HSPBAP1: variants seen among roughly 807,000 people sequenced by gnomAD.
HSPBAP1 encodes the protein HSPB1 associated protein 1, also known as HSPB1-associated protein 1.
HSPBAP1 carries 27 observed loss-of-function variants against 45.2 expected under a neutral mutation model. That is an observed-to-expected ratio of 0.60 (90% CI 0.44 to 0.82). The LOEUF is 0.82. HSPBAP1 is among the 40% of genes least tolerant of loss of function. The pLI, the probability that HSPBAP1 is intolerant of heterozygous loss-of-function variation, is 0.00. For missense variants in HSPBAP1, 510 were observed against 590.9 expected, an observed-to-expected ratio of 0.86 and a Z score of 1.42; for synonymous variants, 204 against 202.7, an observed-to-expected ratio of 1.01 and a Z score of -0.06.
chr3:122,752,752 C>A, intron 5 of HSPBAP1, 78 bp from the exon 6 acceptor site: 1 of 1,424,004 alleles, frequency 7.0e-7, no homozygotes, highest in Non-Finnish European at 9.4e-7. Flanking sequence ...CTAATTGAGG[C>A]TGCTAGGAAA....
At chr3:122,765,773 G>T (rs1934757424) in intron 3 of HSPBAP1, among the ~76,000 whole-genome samples, 1 of 152,022 alleles carries the variant, frequency 6.6e-6, no homozygotes, top group Non-Finnish European at 1.5e-5. Flanking sequence ...TTTTCCAAAT[G>T]GTCCATGAAT....
intron 5 of HSPBAP1, 123 bp from the exon 6 acceptor site, chr3:122,752,797 T>C: frequency 7.2e-7 from 1 of 1,384,634 alleles, no homozygotes. Context: ...ATAATATTGC[T>C]GGAGAAAAGT....
intron 2 of HSPBAP1, among the ~76,000 whole-genome samples, chr3:122,773,890 C>T (rs1301633392): frequency 2.0e-5 from 3 of 152,172 alleles, no homozygotes; most frequent in Non-Finnish European, 4.4e-5. Flanking sequence ...CCTCCTGCTC[C>T]AGCCTCCCAA....
chr3:122,752,690 A>T lies in HSPBAP1; in HGVS notation c.742-16T>A, dbSNP rs753075667. The T allele has an allele frequency of 2.3e-5, 36 of 1,578,776 alleles. No individual in the cohort carries two copies. The highest frequency in any genetic ancestry group is 2.4e-5 in the Non-Finnish European group (28 of 1,158,194). On this transcript the variant is annotated splice_polypyrimidine_tract_variant and intron_variant, in intron 5 of 7. Coordinates refer to ENST00000306103, the MANE Select transcript of HSPBAP1 (RefSeq NM_024610.6). Reference sequence around the variant, plus strand: ...CAAAGAGAACCTGAAAACCAAACAAAGAATGGTTAGCACAAGAACAGGACG... The same window carrying T: ...CAAAGAGAACCTGAAAACCAAACAATGAATGGTTAGCACAAGAACAGGACG...
At chr3:122,749,769 C>T (rs980651806) in intron 6 of HSPBAP1, among the ~76,000 whole-genome samples, 3 of 151,902 alleles carry the variant, frequency 2.0e-5, no homozygotes, top group African/African-American at 4.8e-5. Context: ...CCACCATGCC[C>T]GGCTAATTTT....
intron 4 of HSPBAP1, among the ~76,000 whole-genome samples, chr3:122,757,316 T>C (rs899610448): frequency 6.6e-6 from 1 of 152,172 alleles, no homozygotes; most frequent in Non-Finnish European, 1.5e-5. Context: ...CTGTCTCCAA[T>C]GCACAACATA....
chr3:122,747,807 G>A (rs1933961345), intron 6 of HSPBAP1, among the ~76,000 whole-genome samples: 2 of 150,762 alleles, frequency 1.3e-5, no homozygotes, highest in Admixed American at 6.6e-5. Flanking sequence ...GGAGGTGAGG[G>A]GCGCCTCTGC....
chr3:122,766,748 TGAAG>T (rs1458530256), intron 3 of HSPBAP1, among the ~76,000 whole-genome samples: 2 of 152,272 alleles, frequency 1.3e-5, no homozygotes, highest in Non-Finnish European at 1.5e-5. Flanking sequence ...GTTAAAGCTC[TGAAG>T]GCAGACTATT....
chr3:122,755,499 C>G (rs1934320269), intron 4 of HSPBAP1, 68 bp from the exon 5 acceptor site: 2 of 1,166,176 alleles, frequency 1.7e-6, no homozygotes, highest in Non-Finnish European at 2.3e-6. Flanking sequence ...TGGAAGAAGA[C>G]AAAAGCTAAG....
At chr3:122,775,179 T>C (rs1935147645) in intron 2 of HSPBAP1, among the ~76,000 whole-genome samples, 1 of 151,478 alleles carries the variant, frequency 6.6e-6, no homozygotes, top group South Asian at 2.1e-4. Flanking sequence ...CAAAAAGGCC[T>C]ACATGGGCAT....
chr3:122,769,243 T>C (rs1367083841), intron 2 of HSPBAP1, among the ~76,000 whole-genome samples: 1 of 152,248 alleles, frequency 6.6e-6, no homozygotes, highest in Non-Finnish European at 1.5e-5. Flanking sequence ...AGTTTTAACC[T>C]TAAGATTAAA....
chr3:122,757,935 C>T (rs10511414), intron 4 of HSPBAP1, among the ~76,000 whole-genome samples: 14,589 of 152,258 alleles, frequency 0.096, 945 homozygotes, highest in African/African-American at 0.17. Flanking sequence ...CCACACTCAT[C>T]TGATTGACTC....
chr3:122,740,579 T>A lies in HSPBAP1; in HGVS notation c.1233A>T (p.Gly411=), dbSNP rs2107661934. The A allele has an allele frequency of 6.2e-7, 1 of 1,614,210 alleles. No homozygotes were observed. The highest frequency in any genetic ancestry group is 1.3e-5 in the African/African-American group (1 of 75,036). ...EPPSERGGIF[G]SDGKDFVDKD... Reference sequence around the variant, plus strand: ...TGTCCACAAAGTCTTTCCCATCACTTCCAAATATGCCTCCTCTTTCTGAAG... The same window carrying A: ...TGTCCACAAAGTCTTTCCCATCACTACCAAATATGCCTCCTCTTTCTGAAG... Residue 411 remains glycine (G), a synonymous_variant, in exon 8 of 8, where the codon GGA becomes GGT. Coordinates refer to ENST00000306103, the MANE Select transcript of HSPBAP1 (RefSeq NM_024610.6).
chr3:122,778,772 C>T (rs1935286842), intron 1 of HSPBAP1, among the ~76,000 whole-genome samples: 2 of 152,106 alleles, frequency 1.3e-5, no homozygotes, highest in African/African-American at 4.8e-5. Flanking sequence ...CCTCGTGATC[C>T]ACCTGCCTTG....
chr3:122,781,586 G>A (rs567787803), intron 1 of HSPBAP1, among the ~76,000 whole-genome samples: 10 of 152,168 alleles, frequency 6.6e-5, no homozygotes, highest in Admixed American at 2.0e-4. Flanking sequence ...AGAGGGAGAG[G>A]GAGAACAGGT....
chr3:122,782,012 T>G (rs1935503527), intron 1 of HSPBAP1, among the ~76,000 whole-genome samples: 1 of 152,240 alleles, frequency 6.6e-6, no homozygotes, highest in African/African-American at 2.4e-5. Flanking sequence ...GGTAGATATT[T>G]ACAATATACA....
rs140407708 is a variant in HSPBAP1 at position 122,740,387 on chromosome 3, G to A, written c.1425C>T (p.Thr475=). The change falls in exon 8 of 8, where the codon ACC becomes ACT. Residue 475 remains threonine (T), a synonymous_variant. Coordinates refer to ENST00000306103, the MANE Select transcript of HSPBAP1 (RefSeq NM_024610.6). ...GTATCAAAAGTTGTGCCACTATCCT[G>A]GTTACTTGTGGATTCACCAAGCAGT... ...LLDCLVNPQV[T]RIVAQLLIQG... The A allele has an allele frequency of 1.4e-4, 219 of 1,613,356 alleles. No individual in the cohort carries two copies. In the African/African-American group the frequency reaches 2.1e-3, roughly 15 times the overall value.
At chr3:122,776,305 T>C (rs1290077512) in intron 2 of HSPBAP1, among the ~76,000 whole-genome samples, 1 of 152,226 alleles carries the variant, frequency 6.6e-6, no homozygotes, top group African/African-American at 2.4e-5. Flanking sequence ...AAGAACATCG[T>C]CTTTACTAAA....
chr3:122,767,636 A>G (rs1261454422), intron 3 of HSPBAP1, among the ~76,000 whole-genome samples: 1 of 152,156 alleles, frequency 6.6e-6, no homozygotes, highest in Non-Finnish European at 1.5e-5. Context: ...TAAAATAAAA[A>G]AGCAAAATTA....
Sources: allele counts gnomAD v4.1 joint callset (sites outside exome capture counted in the v4.1 genomes callset), GRCh38; gene constraint gnomAD v4.1.1; transcripts MANE v1.5; gene names NCBI Gene and HGNC (gene_info 2026-07-23, HGNC 2026-07-21).